ZNF641: variants seen among roughly 807,000 people sequenced by gnomAD.
ZNF641 encodes the protein zinc finger protein 641.
A neutral mutation model predicts 46.2 loss-of-function variants in ZNF641; 26 were observed. The observed-to-expected ratio is 0.56, with a 90% CI of 0.41 to 0.78. The LOEUF is 0.78. ZNF641 is among the 30% of genes least tolerant of loss of function. The pLI, the probability that ZNF641 is intolerant of heterozygous loss-of-function variation, is 0.00. For synonymous variants in ZNF641, 163 were observed against 187.9 expected (o/e 0.87, Z 1.09); for missense variants, 469 against 517.8 (o/e 0.91, Z 0.91).
rs1952839343 is a variant in ZNF641, at chr12:48,345,337, A to C, written c.406+8T>G. 2 of 1,613,478 alleles carry C rather than the reference A, an allele frequency of 1.2e-6. No homozygotes were observed. ...AATCTTCTAGTGGCTGGAGAAGGTC[A>C]TGCTTACTCAGAGAGACTACTATCC... is the stretch of plus-strand genomic sequence containing the variant. On this transcript the variant is annotated splice_region_variant and intron_variant, in intron 4 of 5. Transcript: ENST00000547026.
chr12:48,349,516 G>C (rs1224305202), intron 1 of ZNF641, among the ~76,000 whole-genome samples: 1 of 152,194 alleles, frequency 6.6e-6, no homozygotes, highest in African/African-American at 2.4e-5. Flanking sequence ...CAGATGTCAA[G>C]TCGTCTATTT....
Position 48,343,660 on chromosome 12 carries a change from G to C in ZNF641, c.588C>G (p.Ser196Arg). Residue 196 changes from serine to arginine, a missense_variant, in exon 6 of 6, where the codon AGC (serine) becomes AGG (arginine). Ser to Arg is a moderately radical substitution (Grantham distance 110, BLOSUM62 -1). Around this residue, in one of 3 missense-constraint regions of ZNF641, gnomAD observed 346 missense variants for 354.0 expected, o/e 0.98. Coordinates refer to ENST00000547026, the MANE Select transcript of ZNF641 (RefSeq NM_001172681.2). ...LEAEPPRMLS[S>R]VSEDTVLWNP... ...TCCAGAGAACAGTATCTTCAGACAC[G>C]CTGGATAACATTCTGGGAGGTTCTG... is the stretch of plus-strand genomic sequence containing the variant. 2 of 1,562,692 alleles carry C rather than the reference G, an allele frequency of 1.3e-6. No homozygotes were observed. The highest frequency in any genetic ancestry group is 8.7e-7 in the Non-Finnish European group (1 of 1,155,822).
downstream of ZNF641, among the ~76,000 whole-genome samples, chr12:48,336,667 T>C (rs1952607130): frequency 6.6e-6 from 1 of 152,130 alleles, no homozygotes; most frequent in Non-Finnish European, 1.5e-5. Context: ...TACCCTATCC[T>C]CTCAATCTCA....
intron 3 of ZNF641, among the ~76,000 whole-genome samples, chr12:48,346,121 G>A (rs145561819): frequency 2.0e-3 from 306 of 152,136 alleles, no homozygotes; most frequent in African/African-American, 7.1e-3. Context: ...GGCCAGGCTG[G>A]TCTCGAACTC....
At chr12:48,344,464 T>C (rs1346387570) in intron 5 of ZNF641, 135 bp downstream of exon 5, 3 of 566,182 alleles carry the variant, frequency 5.3e-6, no homozygotes, top group Non-Finnish European at 9.2e-6. Flanking sequence ...TTACACTCCC[T>C]TGCTTTTGAA....
Position 48,339,788 on chromosome 12 carries a change from AT to A in ZNF641, c.*3184del, listed in dbSNP as rs1952677884. The A allele has an allele frequency of 3.1e-6, 1 of 321,504 alleles. No individual in the cohort carries two copies. The highest frequency in any genetic ancestry group is 1.2e-4 in the South Asian group (1 of 8,260). The allele number at this position is 321,504 out of a possible 1,614,324, so 19.9% of individuals were successfully genotyped here. ...ATCACCTCTTTGGTTCTCTGAAGCCATAACATTACTTTGACAAGGGAAAAGT... is the reference window on the plus strand; with the variant it reads ...ATCACCTCTTTGGTTCTCTGAAGCCAAACATTACTTTGACAAGGGAAAAGT... On this transcript the variant is annotated 3_prime_UTR_variant, in exon 6 of 6. Transcript: ENST00000547026.
chr12:48,335,482 TTTCA>T (rs1481761393), downstream of ZNF641, among the ~76,000 whole-genome samples: 1 of 152,234 alleles, frequency 6.6e-6, no homozygotes, highest in Non-Finnish European at 1.5e-5. Flanking sequence ...CATTTCAAAC[TTTCA>T]TTCATTCAGC....
chr12:48,347,066 T>C, intron 3 of ZNF641, 186 bp downstream of exon 3: 1 of 1,108,082 alleles, frequency 9.0e-7, no homozygotes, highest in Non-Finnish European at 1.2e-6. Flanking sequence ...GAATTCCCTT[T>C]CTTGTAGGTC....
Position 48,342,018 on chromosome 12 carries a change from G to A in ZNF641, c.*955C>T, listed in dbSNP as rs938427191. On this transcript the variant is annotated 3_prime_UTR_variant, in exon 6 of 6. Coordinates refer to ENST00000547026, the MANE Select transcript of ZNF641 (RefSeq NM_001172681.2). ...CTAGAAAACCTAGCTTGTACAGTTTGCACATAGCATGCTGTCTTCAAAGAC... is the reference window on the plus strand; with the variant it reads ...CTAGAAAACCTAGCTTGTACAGTTTACACATAGCATGCTGTCTTCAAAGAC... The A allele has an allele frequency of 1.2e-5, 12 of 985,356 alleles. No individual in the cohort carries two copies. In the African/African-American group the frequency reaches 2.1e-4, roughly 17 times the overall value. 61.0% of individuals were successfully genotyped at this position (985,356 alleles called of 1,614,324 possible). A position where few individuals can be genotyped will look rare whatever the true frequency, so the allele number is the denominator to read the frequency against.
At position 48,338,814 on chromosome 12, in the gene ZNF641, C is replaced by T. The variant is rs1267390644; in HGVS notation, c.*4159G>A. On this transcript the variant is annotated 3_prime_UTR_variant, in exon 6 of 6. Transcript: ENST00000547026. ...ATGGTTAGAAATCCCTTCCATGGCC[C>T]CTCGTTGGTCTCTAATCCAATTTTT... 1 of 152,142 alleles carries T rather than the reference C, an allele frequency of 6.6e-6. No homozygotes were observed. The highest frequency in any genetic ancestry group is 2.4e-5 in the African/African-American group (1 of 41,402). 9.4% of individuals were successfully genotyped at this position (152,142 alleles called of 1,614,324 possible).
rs1414676501 is a variant in ZNF641, at chr12:48,342,772, T to C, written c.*201A>G. ...AGGATGCATTGCTTCCCAAAAGTTT[T>C]GCCCAAAGAACTCTATTTTTATGTG... On this transcript the variant is annotated 3_prime_UTR_variant, in exon 6 of 6. Coordinates refer to ENST00000547026, the MANE Select transcript of ZNF641 (RefSeq NM_001172681.2). 1.4e-6 allele frequency: 2 copies of C among 1,407,864 alleles called. No individual in the cohort carries two copies. The highest frequency in any genetic ancestry group is 2.6e-4 in the Middle Eastern group (1 of 3,784). The allele number at this position is 1,407,864 out of a possible 1,614,324, so 87.2% of individuals were successfully genotyped here. A position where few individuals can be genotyped will look rare whatever the true frequency, so the allele number is the denominator to read the frequency against.
At chr12:48,349,839 T>A (rs934640616) in intron 1 of ZNF641, among the ~76,000 whole-genome samples, 1 of 152,242 alleles carries the variant, frequency 6.6e-6, no homozygotes, top group Non-Finnish European at 1.5e-5. Flanking sequence ...CTAGCTCCTG[T>A]GCAAATCCTC....
chr12:48,348,159 G>T, intron 1 of ZNF641, 44 bp from the exon 2 acceptor site: 1 of 1,595,262 alleles, frequency 6.3e-7, no homozygotes, highest in South Asian at 1.1e-5. Context: ...AATGGGAAAG[G>T]AGTGATATTT....
chr12:48,346,234 G>C (rs1166451988), intron 3 of ZNF641, among the ~76,000 whole-genome samples: 2 of 152,082 alleles, frequency 1.3e-5, no homozygotes, highest in African/African-American at 4.8e-5. Context: ...AGCACAGTAT[G>C]GTGGTTAGGA....
intron 5 of ZNF641, 148 bp from the exon 6 acceptor site, chr12:48,343,875 A>C: frequency 1.4e-6 from 1 of 691,916 alleles, no homozygotes; most frequent in Non-Finnish European, 2.2e-6. Context: ...GTCGTACAAG[A>C]CAGTGCAATA....
chr12:48,344,992 T>G (rs879413379), intron 4 of ZNF641, among the ~76,000 whole-genome samples: 1 of 152,130 alleles, frequency 6.6e-6, no homozygotes, highest in Non-Finnish European at 1.5e-5. Flanking sequence ...ACTTTAGTCC[T>G]ACTACGACAG....
rs965369956 is a variant in ZNF641 at position 48,342,154 on chromosome 12, T to C, written c.*819A>G. 1.4e-5 allele frequency: 14 copies of C among 985,338 alleles called. No individual in the cohort carries two copies. The highest frequency in any genetic ancestry group is 3.5e-5 in the African/African-American group (2 of 57,218). The allele number at this position is 985,338 out of a possible 1,614,324, so 61.0% of individuals were successfully genotyped here. ...GTTTTTCTGTGTGGGCCAGGGCTAT[T>C]TGGGGGTATTAGATCATCTCTTAGC... On this transcript the variant is annotated 3_prime_UTR_variant, in exon 6 of 6. Coordinates refer to ENST00000547026, the MANE Select transcript of ZNF641 (RefSeq NM_001172681.2).
chr12:48,347,471 G>T, intron 2 of ZNF641, 128 bp from the exon 3 acceptor site: 1 of 770,866 alleles, frequency 1.3e-6, no homozygotes, highest in Non-Finnish European at 2.0e-6. Context: ...AAACTCAAAT[G>T]CATAAATGTA....
In ZNF641 at chr12:48,338,859, C is replaced by A. The variant is rs1375320141; in HGVS notation, c.*4114G>T. The stretch of plus-strand genomic sequence containing the variant: ...ATTTTTATGTTGGAAAACTTGGGTT[C>A]TTAAGGGCTTGGCATGGTAGGCCTT... On this transcript the variant is annotated 3_prime_UTR_variant, in exon 6 of 6. Coordinates refer to ENST00000547026, the MANE Select transcript of ZNF641 (RefSeq NM_001172681.2). The A allele has an allele frequency of 1.3e-5, 2 of 152,152 alleles. No individual in the cohort carries two copies. The highest frequency in any genetic ancestry group is 3.9e-4 in the East Asian group (2 of 5,194). The allele number at this position is 152,152 out of a possible 1,614,324, so 9.4% of individuals were successfully genotyped here. A position where few individuals can be genotyped will look rare whatever the true frequency, so the allele number is the denominator to read the frequency against.
Sources: allele counts gnomAD v4.1 joint callset (sites outside exome capture counted in the v4.1 genomes callset), GRCh38; gene constraint gnomAD v4.1.1; regional missense constraint gnomAD v4.1.1; transcripts MANE v1.5; gene names NCBI Gene and HGNC (gene_info 2026-07-23, HGNC 2026-07-21).